The following CENPO variants were observed in gnomAD, a reference collection of about 807,000 sequenced individuals.
The protein encoded by CENPO is centromere protein O.
Under a neutral mutation model 36.1 loss-of-function variants are expected in CENPO, and 30 were observed. That is an observed-to-expected ratio of 0.83 (90% CI 0.62 to 1.13). The LOEUF (loss-of-function observed/expected upper bound fraction) is 1.13, where lower values mean the gene tolerates loss of function less well. Among genes scored for constraint, CENPO ranks in the 50% most tolerant of loss-of-function variants. CENPO has a pLI of 0.00. For synonymous variants in CENPO, 171 were observed against 142.3 expected (o/e 1.20, Z -1.44); for missense variants, 349 against 357.8 (o/e 0.98, Z 0.20).
rs1183851019 is a variant in CENPO at position 24,822,268 on chromosome 2, C to T, written c.*2950C>T. On this transcript the variant is annotated 3_prime_UTR_variant, in exon 8 of 8. Coordinates refer to ENST00000380834, the MANE Select transcript of CENPO (RefSeq NM_001322101.2). ...AGCACAGAGCCTTAGGGGGCCTGGC[C>T]ACAGAACACAACCATCTTAGGCCTG... The T allele has an allele frequency of 6.9e-6, 3 of 433,670 alleles. No homozygotes were observed. The highest frequency in any genetic ancestry group is 1.2e-5 in the Non-Finnish European group (3 of 246,578). The allele number at this position is 433,670 out of a possible 1,614,324, so 26.9% of individuals were successfully genotyped here. A position where few individuals can be genotyped will look rare whatever the true frequency, so the allele number is the denominator to read the frequency against.
At chr2:24,801,325 A>G (rs1666157710) in intron 3 of CENPO, among the ~76,000 whole-genome samples, 1 of 152,080 alleles carries the variant, frequency 6.6e-6, no homozygotes, top group Non-Finnish European at 1.5e-5. Context: ...GAAGCTCTTT[A>G]GTTTAATTAG....
chr2:24,819,936 G>T lies in CENPO; in HGVS notation c.*618G>T, dbSNP rs540325220. The T allele has an allele frequency of 3.2e-5, 51 of 1,613,730 alleles. No individual in the cohort carries two copies. The East Asian group carries it at 1.0e-3, about 33-fold the overall frequency. On this transcript the variant is annotated 3_prime_UTR_variant, in exon 8 of 8. Coordinates refer to ENST00000380834, the MANE Select transcript of CENPO (RefSeq NM_001322101.2). Reference sequence around the variant, plus strand: ...CTGTTGCAGGCTCGAGGCCATTCAGGAGTTGTCCACCACCTGGTGGGGCAG... The same window carrying T: ...CTGTTGCAGGCTCGAGGCCATTCAGTAGTTGTCCACCACCTGGTGGGGCAG...
At chr2:24,803,032 C>T (rs1261101171) in intron 3 of CENPO, among the ~76,000 whole-genome samples, 1 of 152,160 alleles carries the variant, frequency 6.6e-6, no homozygotes, top group Non-Finnish European at 1.5e-5. Context: ...TTCAGAGGTT[C>T]AACTTCTTCC....
At chr2:24,799,048 C>G (rs926254493) in intron 2 of CENPO, among the ~76,000 whole-genome samples, 2 of 47,346 alleles carry the variant, frequency 4.2e-5, no homozygotes, top group African/African-American at 8.4e-5. Flanking sequence ...CAATGGCACT[C>G]CAATGGAGTG....
chr2:24,810,495 C>T (rs1473229641), intron 3 of CENPO, among the ~76,000 whole-genome samples: 1 of 144,864 alleles, frequency 6.9e-6, no homozygotes, highest in African/African-American at 2.5e-5. Flanking sequence ...TTAACGTTTG[C>T]AGGTTAAGGT....
chr2:24,797,767 A>G (rs1005888118), intron 2 of CENPO, among the ~76,000 whole-genome samples: 1 of 152,226 alleles, frequency 6.6e-6, no homozygotes, highest in Non-Finnish European at 1.5e-5. Flanking sequence ...GGTGGTGATC[A>G]GTAGGAGCAT....
chr2:24,811,776 T>G (rs1363431236), intron 3 of CENPO, among the ~76,000 whole-genome samples: 1 of 152,118 alleles, frequency 6.6e-6, no homozygotes, highest in African/African-American at 2.4e-5. Flanking sequence ...TTTTGTATTT[T>G]TAGTAGAGAC....
chr2:24,822,117 T>C lies in CENPO; in HGVS notation c.*2799T>C, dbSNP rs1446286498. ...GGGACCAGGGCTCCTACACCTAATT[T>C]TCTCTCCTGGTAGCTGAACAAAGGT... On this transcript the variant is annotated 3_prime_UTR_variant, in exon 8 of 8. Transcript: ENST00000380834. 2 of 189,586 alleles carry C rather than the reference T, an allele frequency of 1.1e-5. No individual in the cohort carries two copies. Among genetic ancestry groups the C allele is most frequent in the Non-Finnish European group, 2.2e-5 (2 of 91,238 alleles). The allele number at this position is 189,586 out of a possible 1,614,324, so 11.7% of individuals were successfully genotyped here. A position where few individuals can be genotyped will look rare whatever the true frequency, so the allele number is the denominator to read the frequency against.
Position 24,799,976 on chromosome 2 carries a change from C to G in CENPO, c.216+132C>G, listed in dbSNP as rs570644207. ...TACTGGATTGATTGCAGTCCTTGAT[C>G]CCTCAAATGATCAAACCTGTAGAGT... On this transcript the variant is annotated intron_variant, in intron 3 of 7. Coordinates refer to ENST00000380834, the MANE Select transcript of CENPO (RefSeq NM_001322101.2). The G allele has an allele frequency of 6.1e-5, 63 of 1,025,174 alleles. No homozygotes were observed. In the Middle Eastern group the frequency reaches 1.6e-3, roughly 26 times the overall value. 63.5% of individuals were successfully genotyped at this position (1,025,174 alleles called of 1,614,324 possible). A position where few individuals can be genotyped will look rare whatever the true frequency, so the allele number is the denominator to read the frequency against.
chr2:24,815,899 A>G (rs2148290093), intron 5 of CENPO, 143 bp downstream of exon 5: 1 of 763,782 alleles, frequency 1.3e-6, no homozygotes, highest in East Asian at 2.7e-5. Context: ...TTATTTATAT[A>G]AAAGCACTAT....
At chr2:24,815,796 A>G in intron 5 of CENPO, 40 bp downstream of exon 5, 1 of 1,596,832 alleles carries the variant, frequency 6.3e-7, no homozygotes, top group South Asian at 1.1e-5. Context: ...CCGTGGGCCC[A>G]AGATCAACTT....
In CENPO at chr2:24,796,855, G is replaced by C. The variant is rs1020461245; in HGVS notation, c.47-2820G>C. Among the ~76,000 whole-genome samples, 3 of 152,044 alleles carry C rather than the reference G, an allele frequency of 2.0e-5. No homozygotes were observed. In the East Asian group the frequency reaches 5.8e-4, roughly 29 times the overall value. On this transcript the variant is annotated intron_variant, in intron 2 of 7. Transcript: ENST00000380834. ...GGAAGAGCCTTTGGTGTGTGTGTTG[G>C]GGGTGGGGGGATCAGGTCAGTAAAG... is the stretch of plus-strand genomic sequence containing the variant.
intron 7 of CENPO, 134 bp from the exon 8 acceptor site, chr2:24,819,220 C>T (rs1558385828): frequency 6.6e-6 from 1 of 152,602 alleles, no homozygotes. Flanking sequence ...TTATCAATAC[C>T]TGTAAATTCT....
chr2:24,804,053 G>C (rs536258482), intron 3 of CENPO, among the ~76,000 whole-genome samples: 4 of 152,084 alleles, frequency 2.6e-5, no homozygotes, highest in Admixed American at 6.6e-5. Context: ...TTAGCTCTTC[G>C]TGTTGAATTG....
At chr2:24,798,975 CTTTTTT>C (rs70947846) in intron 2 of CENPO, among the ~76,000 whole-genome samples, 1 of 114,536 alleles carries the variant, frequency 8.7e-6, no homozygotes, top group African/African-American at 4.0e-5. Context: ...CTGGGGCTTC[CTTTTTT>C]TTTTTTTTTT....
At chr2:24,794,258 G>A (rs1665778233) in intron 2 of CENPO, among the ~76,000 whole-genome samples, 1 of 152,206 alleles carries the variant, frequency 6.6e-6, no homozygotes, top group African/African-American at 2.4e-5. Flanking sequence ...CCTCTCCCCG[G>A]ATTTTTTGGG....
At chr2:24,802,539 CGTT>C (rs1270717103) in intron 3 of CENPO, among the ~76,000 whole-genome samples, 7 of 151,940 alleles carry the variant, frequency 4.6e-5, no homozygotes, top group African/African-American at 1.7e-4. Context: ...TAGCATGAAG[CGTT>C]GTTGAATTTT....
At chr2:24,817,484 G>T (rs1392872974) in intron 6 of CENPO, among the ~76,000 whole-genome samples, 186 bp from the exon 7 acceptor site, 5 of 59,268 alleles carry the variant, frequency 8.4e-5, no homozygotes, top group Non-Finnish European at 1.7e-4. Flanking sequence ...AAAGCTGTAT[G>T]GGTCCAGTGG....
At position 24,799,577 on chromosome 2, in the gene CENPO, A is replaced by G. The variant is rs1202350962; in HGVS notation, c.47-98A>G. On this transcript the variant is annotated intron_variant, in intron 2 of 7. Transcript: ENST00000380834. ...CAGCTGGCCACAAAGTTCTGGTAAAAAAAAAAAAAGAGTCACCTGTTCTTC... is the reference window on the plus strand; with the variant it reads ...CAGCTGGCCACAAAGTTCTGGTAAAGAAAAAAAAAGAGTCACCTGTTCTTC... 10 of 961,972 alleles carry G rather than the reference A, an allele frequency of 1.0e-5. 1 individual carries two copies. The Admixed American group carries it at 2.4e-4, about 24-fold the overall frequency. The allele number at this position is 961,972 out of a possible 1,614,324, so 59.6% of individuals were successfully genotyped here.
Sources: allele counts gnomAD v4.1 joint callset (sites outside exome capture counted in the v4.1 genomes callset), GRCh38; gene constraint gnomAD v4.1.1; transcripts MANE v1.5; gene names NCBI Gene and HGNC (gene_info 2026-07-23, HGNC 2026-07-21).